Variants in SH2D4B observed in about 807,000 individuals in gnomAD.
The protein encoded by SH2D4B is SH2 domain-containing protein 4B.
In SH2D4B, 45 loss-of-function variants were observed where a neutral mutation model predicts 61.5. The observed-to-expected ratio is 0.73, with a 90% CI of 0.58 to 0.94. The LOEUF (loss-of-function observed/expected upper bound fraction) is 0.94. Among genes scored for constraint, SH2D4B ranks in the 40% least tolerant of loss-of-function variants. The pLI is 0.00. For missense variants in SH2D4B, 572 were observed against 574.2 expected, an observed-to-expected ratio of 1.00 and a Z score of 0.04; for synonymous variants, 224 against 220.4, an observed-to-expected ratio of 1.02 and a Z score of -0.14.
At chr10:80,554,102 G>C (rs1346726261) in intron 1 of SH2D4B, among the ~76,000 whole-genome samples, 1 of 152,204 alleles carries the variant, frequency 6.6e-6, no homozygotes, top group African/African-American at 2.4e-5. Context: ...GTGCTTAGTG[G>C]AGTTCTAGAA....
chr10:80,600,513 A>G (rs550188541), intron 4 of SH2D4B, among the ~76,000 whole-genome samples: 95 of 124,838 alleles, frequency 7.6e-4, no homozygotes, highest in African/African-American at 2.7e-3. Context: ...GCTACAGTGC[A>G]GAGTGGCATG....
chr10:80,551,139 A>G (rs1841756126), intron 1 of SH2D4B, among the ~76,000 whole-genome samples: 2 of 152,062 alleles, frequency 1.3e-5, no homozygotes, highest in South Asian at 4.1e-4. Context: ...TGCAAGCTCT[A>G]CCTCCCGGGC....
chr10:80,587,180 G>A (rs1842268492), intron 3 of SH2D4B, among the ~76,000 whole-genome samples: 1 of 135,036 alleles, frequency 7.4e-6, no homozygotes, highest in African/African-American at 2.7e-5. Context: ...GAGACGCCCA[G>A]GCTGGAGTGC....
At chr10:80,587,584 T>TC (rs1272785939) in intron 3 of SH2D4B, among the ~76,000 whole-genome samples, 1 of 152,182 alleles carries the variant, frequency 6.6e-6, no homozygotes, top group African/African-American at 2.4e-5. Context: ...CAGCTTTTTT[T>TC]TTTCTTTCTA....
At chr10:80,546,821 C>A (rs546701719) in intron 1 of SH2D4B, among the ~76,000 whole-genome samples, 1 of 152,282 alleles carries the variant, frequency 6.6e-6, no homozygotes, top group African/African-American at 2.4e-5. Flanking sequence ...GCCACCGCGC[C>A]CAGCCAGCAT....
intron 6 of SH2D4B, among the ~76,000 whole-genome samples, chr10:80,617,316 GTGTC>G (rs1842671751): frequency 6.6e-6 from 1 of 152,224 alleles, no homozygotes; most frequent in Admixed American, 6.5e-5. Flanking sequence ...AACCAGGAAA[GTGTC>G]TGCTCCTCCT....
intron 1 of SH2D4B, among the ~76,000 whole-genome samples, chr10:80,542,302 G>A (rs1184118660): frequency 6.6e-6 from 1 of 151,940 alleles, no homozygotes; most frequent in African/African-American, 2.4e-5. Flanking sequence ...AGGTTCTCAG[G>A]GCCAGAGCTG....
At chr10:80,613,752 G>C (rs1034597498) in intron 6 of SH2D4B, among the ~76,000 whole-genome samples, 2 of 152,230 alleles carry the variant, frequency 1.3e-5, no homozygotes, top group African/African-American at 4.8e-5. Context: ...GTGAGGGGCA[G>C]CTTTCTTATG....
intron 4 of SH2D4B, among the ~76,000 whole-genome samples, chr10:80,592,148 T>C (rs1021169873): frequency 1.3e-5 from 2 of 152,216 alleles, no homozygotes; most frequent in Non-Finnish European, 2.9e-5. Context: ...CTAATGATGT[T>C]GAACATTTTA....
intron 1 of SH2D4B, among the ~76,000 whole-genome samples, chr10:80,543,023 G>A (rs1480330512): frequency 6.6e-6 from 1 of 152,076 alleles, no homozygotes; most frequent in African/African-American, 2.4e-5. Context: ...ATGCAGCCCT[G>A]GCCTGGGGCC....
intron 1 of SH2D4B, among the ~76,000 whole-genome samples, chr10:80,562,961 G>C (rs898577182): frequency 7.0e-6 from 1 of 143,042 alleles, no homozygotes; most frequent in African/African-American, 2.6e-5. Flanking sequence ...GAGTGCAGTG[G>C]CGGGATCTCG....
chr10:80,572,983 TATA>T (rs1310802865), intron 3 of SH2D4B, among the ~76,000 whole-genome samples: 49 of 12,772 alleles, frequency 3.8e-3, no homozygotes, highest in African/African-American at 8.4e-3. Context: ...TATATATATA[TATA>T]TTTTTTTTTT....
At chr10:80,560,693 C>CTTTTTT (rs58963330) in intron 1 of SH2D4B, among the ~76,000 whole-genome samples, 2 of 58,866 alleles carry the variant, frequency 3.4e-5, no homozygotes, top group Non-Finnish European at 3.0e-5. Flanking sequence ...CCTGGCCAAG[C>CTTTTTT]TTTTTTTTTT....
intron 1 of SH2D4B, among the ~76,000 whole-genome samples, chr10:80,559,309 A>G (rs1841875079): frequency 6.6e-6 from 1 of 152,160 alleles, no homozygotes; most frequent in South Asian, 2.1e-4. Context: ...ATTTCTCATT[A>G]TAAAACATTT....
intron 3 of SH2D4B, among the ~76,000 whole-genome samples, chr10:80,584,303 T>C (rs567823322): frequency 6.6e-5 from 10 of 152,152 alleles, no homozygotes; most frequent in Non-Finnish European, 1.3e-4. Flanking sequence ...CCAGTGCAGA[T>C]GGGAGAAGAA....
At chr10:80,583,341 G>A (rs971602815) in intron 3 of SH2D4B, among the ~76,000 whole-genome samples, 1 of 152,138 alleles carries the variant, frequency 6.6e-6, no homozygotes, top group African/African-American at 2.4e-5. Context: ...GGAAGATAAA[G>A]TCGATGAAAT....
intron 1 of SH2D4B, among the ~76,000 whole-genome samples, chr10:80,542,119 G>C (rs961964015): frequency 1.3e-5 from 2 of 152,140 alleles, no homozygotes; most frequent in African/African-American, 2.4e-5. Context: ...GAGAAGGCAT[G>C]TTATCACATT....
intron 7 of SH2D4B, among the ~76,000 whole-genome samples, chr10:80,636,650 T>G (rs1180062700): frequency 7.1e-6 from 1 of 140,784 alleles, no homozygotes; most frequent in Admixed American, 7.0e-5. Flanking sequence ...GGATTGTTTG[T>G]TTTTTTTCTT....
At chr10:80,579,697 C>CT (rs113058326) in intron 3 of SH2D4B, among the ~76,000 whole-genome samples, 4,651 of 151,292 alleles carry the variant, frequency 0.031, 220 homozygotes, top group African/African-American at 0.11. Context: ...AGGCCACTCC[C>CT]TTTTTTTTTC....
Sources: allele counts gnomAD v4.1 joint callset (sites outside exome capture counted in the v4.1 genomes callset), GRCh38; gene constraint gnomAD v4.1.1; transcripts MANE v1.5; gene names NCBI Gene and HGNC (gene_info 2026-07-23, HGNC 2026-07-21).